Variants in BABAM1 observed in about 807,000 individuals in gnomAD.
BABAM1 encodes BRISC and BRCA1 A complex member 1.
BABAM1 carries 14 observed loss-of-function variants against 34.4 expected under a neutral mutation model. That is an observed-to-expected ratio of 0.41 (90% confidence interval 0.27 to 0.64). The LOEUF (loss-of-function observed/expected upper bound fraction) is 0.64, where lower values mean the gene tolerates loss of function less well. Ranked by LOEUF, BABAM1 falls within the 30% of genes least tolerant of loss-of-function variation. The probability of loss-of-function intolerance (pLI) is 0.34; values close to 1 mark genes in which losing one functional copy is unlikely to be tolerated. For missense variants in BABAM1, 393 were observed against 434.0 expected, an observed-to-expected ratio of 0.91 and a Z score of 0.84; for synonymous variants, 169 against 165.8, an observed-to-expected ratio of 1.02 and a Z score of -0.15.
Position 17,276,816 on chromosome 19 carries a change from C to T in BABAM1, c.700-7C>T, listed in dbSNP as rs1351782857. On this transcript the variant is annotated splice_polypyrimidine_tract_variant and splice_region_variant and intron_variant, in intron 7 of 8. Coordinates refer to ENST00000598188, the MANE Select transcript of BABAM1 (RefSeq NM_014173.4). Reference sequence around the variant, plus strand: ...CCAGAGGCTGGTGTTCTTTACTTCCCCTGCAGAAAATGTTCCAGTGCCCAT... The same window carrying T: ...CCAGAGGCTGGTGTTCTTTACTTCCTCTGCAGAAAATGTTCCAGTGCCCAT... 1 of 1,600,706 alleles carries T rather than the reference C, an allele frequency of 6.2e-7. No individual in the cohort carries two copies. The highest frequency in any genetic ancestry group is 8.5e-7 in the Non-Finnish European group (1 of 1,173,610).
At chr19:17,271,288 C>T (rs1359697169) in intron 2 of BABAM1, among the ~76,000 whole-genome samples, 1 of 152,252 alleles carries the variant, frequency 6.6e-6, no homozygotes, top group East Asian at 1.9e-4. Flanking sequence ...CTGTGCCAGG[C>T]CAAATAAGGT....
intron 6 of BABAM1, 29 bp downstream of exon 6, chr19:17,275,854 C>G (rs749232631): frequency 8.1e-6 from 13 of 1,606,994 alleles, no homozygotes; most frequent in Non-Finnish European, 1.1e-5. Context: ...AATTCTTATT[C>G]ACCTTCAAAG....
intron 1 of BABAM1, among the ~76,000 whole-genome samples, chr19:17,268,040 C>G (rs941045784): frequency 1.3e-5 from 2 of 151,704 alleles, no homozygotes; most frequent in Non-Finnish European, 2.9e-5. Flanking sequence ...CGCTTTTTAC[C>G]GAGGCAAAAG....
intron 1 of BABAM1, chr19:17,268,427 CTT>C (rs10715818): frequency 1.1e-3 from 148 of 129,160 alleles, no homozygotes; most frequent in South Asian, 2.2e-3. Flanking sequence ...AGTAACCAAT[CTT>C]TTTTTTTTTT....
At chr19:17,277,793 C>T (rs910875264) in intron 8 of BABAM1, among the ~76,000 whole-genome samples, 5 of 152,070 alleles carry the variant, frequency 3.3e-5, no homozygotes, top group African/African-American at 1.2e-4. Context: ...ACAGGAGGCT[C>T]GCTAGAGCTC....
rs1599499912 is a variant in BABAM1 at position 17,276,726 on chromosome 19, A to G, written c.700-97A>G. The G allele has an allele frequency of 4.5e-6, 7 of 1,554,978 alleles. 1 individual carries two copies. In the South Asian group the frequency reaches 5.9e-5, roughly 13 times the overall value. ...CACAGAGGCTGGGGTGCCTAGAGGTAAGTTCCCAGAGTCTGAGGCAGAAAT... is the reference window on the plus strand; with the variant it reads ...CACAGAGGCTGGGGTGCCTAGAGGTGAGTTCCCAGAGTCTGAGGCAGAAAT... On this transcript the variant is annotated intron_variant, in intron 7 of 8. Transcript: ENST00000598188.
rs1327950083 is a variant in BABAM1, at chr19:17,273,554, TG to T, written c.345-349del. Among the ~76,000 whole-genome samples the T allele has an allele frequency of 8.2e-3, 139 of 16,906 alleles. 2 individuals are homozygous for T. The highest frequency in any genetic ancestry group is 0.031 in the Middle Eastern group (1 of 32). 11.1% of individuals were successfully genotyped at this position (16,906 alleles called of 152,430 possible). On this transcript the variant is annotated intron_variant, in intron 3 of 8. Transcript: ENST00000598188. ...AGGGTGGCTGAAGGAAGTTTTTTTT[TG>T]TTTGTTTTGTTTTTTTTTTTTTTTT...
At chr19:17,277,149 C>T (rs889715420) in intron 8 of BABAM1, 25 of 443,738 alleles carry the variant, frequency 5.6e-5, no homozygotes, top group Admixed American at 1.6e-4. Flanking sequence ...CCATCTCCAA[C>T]GTTCCCTGCG....
At chr19:17,277,174 G>T (rs897217830) in intron 8 of BABAM1, 104 of 245,362 alleles carry the variant, frequency 4.2e-4, no homozygotes, top group African/African-American at 3.7e-4. Flanking sequence ...TTTCTTTCTT[G>T]CTTGCTTGCT....
intron 3 of BABAM1, among the ~76,000 whole-genome samples, chr19:17,272,696 G>A (rs1000161036): frequency 3.9e-4 from 59 of 150,708 alleles, no homozygotes; most frequent in Non-Finnish European, 6.9e-4. Flanking sequence ...GTGAGCCACC[G>A]CGCCCAGCCG....
Position 17,268,825 on chromosome 19 carries a change from A to C in BABAM1, c.19A>C (p.Ser7Arg), listed in dbSNP as rs559718380. 1.2e-6 allele frequency: 2 copies of C among 1,608,190 alleles called. No homozygotes were observed. Among genetic ancestry groups the C allele is most frequent in the South Asian group, 2.2e-5 (2 of 90,422 alleles). Reference protein sequence around the residue: MEVAEPSSPTEEEEEEE... With the variant: MEVAEPRSPTEEEEEEE... ...AGGAGCCATGGAAGTGGCAGAGCCC[A>C]GCAGCCCCACTGAAGAGGAGGAGGA... The change falls in exon 2 of 9, where the codon AGC (serine) becomes CGC (arginine). Residue 7 changes from serine (S) to arginine (R), a missense_variant. Coordinates refer to ENST00000598188, the MANE Select transcript of BABAM1 (RefSeq NM_014173.4).
intron 2 of BABAM1, among the ~76,000 whole-genome samples, chr19:17,270,045 T>C (rs1004246051): frequency 6.6e-6 from 1 of 151,302 alleles, no homozygotes; most frequent in Non-Finnish European, 1.5e-5. Context: ...ATTCTCCTGC[T>C]TCAGCCTCCC....
chr19:17,271,927 A>G (rs1345869702), intron 3 of BABAM1, among the ~76,000 whole-genome samples: 1 of 151,980 alleles, frequency 6.6e-6, no homozygotes, highest in Non-Finnish European at 1.5e-5. Context: ...ATATATATGT[A>G]TGTGTATGTA....
intron 2 of BABAM1, among the ~76,000 whole-genome samples, chr19:17,269,594 G>A (rs538035028): frequency 2.6e-5 from 4 of 151,938 alleles, no homozygotes; most frequent in African/African-American, 7.3e-5. Flanking sequence ...TGGGTGATCC[G>A]CCTGCCTTGG....
chr19:17,277,284 C>A (rs2073922058), intron 8 of BABAM1: 1 of 171,964 alleles, frequency 5.8e-6, no homozygotes, highest in Non-Finnish European at 1.2e-5. Flanking sequence ...TCACTGCAAC[C>A]TCTGCCTCCC....
In BABAM1 at chr19:17,274,250, A is replaced by G. The variant is rs950800135; in HGVS notation, c.544+65A>G. On this transcript the variant is annotated intron_variant, in intron 5 of 8. Transcript: ENST00000598188. Reference sequence around the variant, plus strand: ...TCTCCTTCTGTCATCCTTGGGGCCCAGGAAAGTCTAAGTCATGACTCTGGC... The same window carrying G: ...TCTCCTTCTGTCATCCTTGGGGCCCGGGAAAGTCTAAGTCATGACTCTGGC... 16 of 1,580,070 alleles carry G rather than the reference A, an allele frequency of 1.0e-5. No individual in the cohort carries two copies. The Admixed American group carries it at 2.7e-4, about 26-fold the overall frequency.
intron 6 of BABAM1, among the ~76,000 whole-genome samples, chr19:17,276,118 G>A (rs1415933582): frequency 7.2e-5 from 11 of 152,022 alleles, no homozygotes; most frequent in African/African-American, 9.7e-5. Context: ...AGGCCGAGGC[G>A]GGCAGATCAC....
At chr19:17,268,341 C>T (rs2073793437) in intron 1 of BABAM1, among the ~76,000 whole-genome samples, 1 of 151,542 alleles carries the variant, frequency 6.6e-6, no homozygotes, top group African/African-American at 2.4e-5. Context: ...GGCAGCCATT[C>T]TGCAGCTGAG....
chr19:17,273,602 C>T lies in BABAM1; in HGVS notation c.345-302C>T, dbSNP rs1449943373. On this transcript the variant is annotated intron_variant, in intron 3 of 8. Transcript: ENST00000598188. ...TTTTTGAGACAGAGTCTCACTCTGT[C>T]GCCCAGGCTGGACTGCAGTGGCGCG... Among the ~76,000 whole-genome samples, 26 of 140,200 alleles carry T rather than the reference C, an allele frequency of 1.9e-4. 1 individual carries two copies. Among genetic ancestry groups the T allele is most frequent in the African/African-American group, 6.5e-4 (24 of 37,080 alleles). The allele number at this position is 140,200 out of a possible 152,430, so 92.0% of individuals were successfully genotyped here.
Sources: allele counts gnomAD v4.1 joint callset (sites outside exome capture counted in the v4.1 genomes callset), GRCh38; gene constraint gnomAD v4.1.1; transcripts MANE v1.5; gene names NCBI Gene and HGNC (gene_info 2026-07-23, HGNC 2026-07-21).